Variants in ZC3HAV1L observed in about 807,000 individuals in gnomAD.
ZC3HAV1L encodes the protein ZC3HAV1 like, also known as zinc finger CCCH-type antiviral protein 1-like.
ZC3HAV1L carries 23 observed loss-of-function variants against 28.2 expected under a neutral mutation model. The observed-to-expected ratio is 0.82, with a 90% confidence interval of 0.59 to 1.16. The LOEUF (loss-of-function observed/expected upper bound fraction) is 1.16, where lower values mean the gene tolerates loss of function less well. Ranked by LOEUF, ZC3HAV1L falls within the 50% of genes most tolerant of loss-of-function variation. ZC3HAV1L has a pLI of 0.00. For synonymous variants in ZC3HAV1L, 180 were observed against 163.4 expected, an observed-to-expected ratio of 1.10 and a Z score of -0.78; for missense variants, 376 against 387.7, an observed-to-expected ratio of 0.97 and a Z score of 0.25.
intron 2 of ZC3HAV1L, among the ~76,000 whole-genome samples, chr7:139,031,188 C>G (rs1357864530): frequency 6.6e-6 from 1 of 152,202 alleles, no homozygotes; most frequent in East Asian, 1.9e-4. Flanking sequence ...TGGCTCATGG[C>G]TGTACTCCTA....
In ZC3HAV1L at chr7:139,030,551, C is replaced by T. The variant is rs531101833; in HGVS notation, c.502-1591G>A. Among the ~76,000 whole-genome samples, 19 of 146,386 alleles carry T rather than the reference C, an allele frequency of 1.3e-4. No individual in the cohort carries two copies. The South Asian group carries it at 2.4e-3, about 19-fold the overall frequency. ...CTCCATTTCAAAAATAAATAAGGCC[C>T]GGTGTGGTGGCTCACACCTGTAATC... is the stretch of plus-strand genomic sequence containing the variant. On this transcript the variant is annotated intron_variant, in intron 2 of 4. Coordinates refer to ENST00000275766, the MANE Select transcript of ZC3HAV1L (RefSeq NM_080660.4).
chr7:139,027,000 T>G (rs1584817183), intron 3 of ZC3HAV1L, among the ~76,000 whole-genome samples, 167 bp from the exon 4 acceptor site: 2 of 151,216 alleles, frequency 1.3e-5, no homozygotes, highest in East Asian at 1.9e-4. Flanking sequence ...GTATAAAAAA[T>G]AGAGAGAGAG....
Position 139,034,533 on chromosome 7 carries a change from G to A in ZC3HAV1L, c.501+10C>T. The A allele has an allele frequency of 6.2e-7, 1 of 1,613,842 alleles. No homozygotes were observed. Among genetic ancestry groups the A allele is most frequent in the Non-Finnish European group, 8.5e-7 (1 of 1,179,732 alleles). ...AAATGTGACATGAGGGTGACTCCTT[G>A]GTGACTCACCTCTGGTAAAAGACAG... On this transcript the variant is annotated intron_variant, in intron 2 of 4. Transcript: ENST00000275766.
chr7:139,027,592 A>G (rs927498652), intron 3 of ZC3HAV1L, among the ~76,000 whole-genome samples: 7 of 152,114 alleles, frequency 4.6e-5, no homozygotes, highest in Admixed American at 1.3e-4. Flanking sequence ...CAGAAAGATC[A>G]CTTGAGCCCA....
At chr7:139,025,140 G>A (rs1245893173), downstream of ZC3HAV1L, among the ~76,000 whole-genome samples, 1 of 152,124 alleles carries the variant, frequency 6.6e-6, no homozygotes, top group African/African-American at 2.4e-5. Context: ...TTGTGACTGG[G>A]CTTTGGTAAA....
At chr7:139,024,943 A>G (rs936777651), downstream of ZC3HAV1L, among the ~76,000 whole-genome samples, 6 of 152,216 alleles carry the variant, frequency 3.9e-5, no homozygotes, top group Admixed American at 1.3e-4. Context: ...AATAAACCAC[A>G]AAATACTGAA....
downstream of ZC3HAV1L, among the ~76,000 whole-genome samples, chr7:139,023,191 A>AAAC (rs1554435470): frequency 6.6e-6 from 1 of 151,372 alleles, no homozygotes; most frequent in Non-Finnish European, 1.5e-5. Context: ...AGAAAAAAAA[A>AAAC]AAAAAAAAAA....
In ZC3HAV1L at chr7:139,035,198, T is replaced by G. The variant is rs964411956; in HGVS notation, c.365+455A>C. 3 of 985,110 alleles carry G rather than the reference T, an allele frequency of 3.0e-6. No homozygotes were observed. The Admixed American group carries it at 1.8e-4, about 61-fold the overall frequency. 61.0% of individuals were successfully genotyped at this position (985,110 alleles called of 1,614,324 possible). On this transcript the variant is annotated intron_variant, in intron 1 of 4. Transcript: ENST00000275766. ...CTGGGGTGAGACTGGCTCAGCGCTG[T>G]TAAACCTAGAGGGCGCAGACCCGCT...
chr7:139,035,459 C>A (rs1815677123), intron 1 of ZC3HAV1L, 194 bp downstream of exon 1: 1 of 985,406 alleles, frequency 1.0e-6, no homozygotes, highest in South Asian at 4.7e-5. Flanking sequence ...TGGAGAGGAC[C>A]TTCGCGCCTT....
chr7:139,025,307 G>T (rs1320403098), downstream of ZC3HAV1L, among the ~76,000 whole-genome samples: 2 of 152,122 alleles, frequency 1.3e-5, no homozygotes, highest in Admixed American at 1.3e-4. Flanking sequence ...AATTAACTGG[G>T]CGTGGTGGCT....
chr7:139,025,449 C>CAAAA (rs11399688), downstream of ZC3HAV1L, among the ~76,000 whole-genome samples: 474 of 136,306 alleles, frequency 3.5e-3, 2 homozygotes, highest in African/African-American at 0.012. Context: ...ACTCTGTCTC[C>CAAAA]AAAAAAAAAA....
At chr7:139,026,615 G>A in intron 4 of ZC3HAV1L, 55 bp from the exon 5 acceptor site, 3 of 1,612,064 alleles carry the variant, frequency 1.9e-6, no homozygotes, top group Non-Finnish European at 2.5e-6. Flanking sequence ...ATGAATGAAT[G>A]GTTACAAATT....
chr7:139,030,478 T>G (rs942520633), intron 2 of ZC3HAV1L, among the ~76,000 whole-genome samples: 5 of 151,988 alleles, frequency 3.3e-5, no homozygotes, highest in Admixed American at 6.6e-5. Context: ...GAGGTTGCAG[T>G]GAGCTGAGAT....
chr7:139,035,761 G>T lies in ZC3HAV1L; in HGVS notation c.257C>A (p.Ser86Tyr). 6.7e-7 allele frequency: 1 copy of T among 1,498,774 alleles called. No homozygotes were observed. The highest frequency in any genetic ancestry group is 2.8e-5 in the East Asian group (1 of 36,004). The allele number at this position is 1,498,774 out of a possible 1,614,324, so 92.8% of individuals were successfully genotyped here. ...GTSAWRVVAV[S>Y]SVRLCARYQR... The stretch of plus-strand genomic sequence containing the variant: ...GTAGCGGGCGCAGAGGCGCACAGAG[G>T]ACACGGCCACCACCCTCCAGGCGGA... Residue 86 changes from serine to tyrosine, a missense_variant, in exon 1 of 5, where the codon TCC (serine) becomes TAC (tyrosine). Coordinates refer to ENST00000275766, the MANE Select transcript of ZC3HAV1L (RefSeq NM_080660.4).
chr7:139,034,731 T>A (rs1815646932), intron 1 of ZC3HAV1L, 53 bp from the exon 2 acceptor site: 1 of 1,596,690 alleles, frequency 6.3e-7, no homozygotes, highest in Non-Finnish European at 8.5e-7. Context: ...GACCAGTCTG[T>A]CCAATTCCTT....
At chr7:139,030,552 G>A (rs550863130) in intron 2 of ZC3HAV1L, among the ~76,000 whole-genome samples, 18 of 150,336 alleles carry the variant, frequency 1.2e-4, no homozygotes, top group South Asian at 6.3e-4. Context: ...AATAAGGCCC[G>A]GTGTGGTGGC....
At chr7:139,030,928 G>T (rs1157551840) in intron 2 of ZC3HAV1L, among the ~76,000 whole-genome samples, 1 of 152,028 alleles carries the variant, frequency 6.6e-6, no homozygotes. Flanking sequence ...AGTACTACAG[G>T]AATGTAATCA....
downstream of ZC3HAV1L, among the ~76,000 whole-genome samples, chr7:139,024,518 AT>A (rs950667280): frequency 3.9e-5 from 6 of 152,168 alleles, no homozygotes; most frequent in East Asian, 9.6e-4. Context: ...AAATGTAAAA[AT>A]TTTTTTAATT....
downstream of ZC3HAV1L, among the ~76,000 whole-genome samples, chr7:139,023,244 C>T (rs943381266): frequency 6.9e-6 from 1 of 145,700 alleles, no homozygotes; most frequent in Non-Finnish European, 1.5e-5. Context: ...CAAAATAGCA[C>T]ATTCCAGAAA....
Sources: gnomAD v4.1 joint callset for allele counts (sites outside exome capture counted in the v4.1 genomes callset) on GRCh38, gnomAD v4.1.1 for gene constraint, MANE v1.5 for transcripts, NCBI Gene and HGNC (gene_info 2026-07-23, HGNC 2026-07-21) for gene names.